Variants in TTBK2 observed in about 807,000 individuals in gnomAD.
The protein encoded by TTBK2 is tau-tubulin kinase 2.
A neutral mutation model predicts 110.8 loss-of-function variants in TTBK2; 28 were observed. The ratio of observed to expected loss-of-function variants is 0.25; its 90% CI spans 0.19 to 0.35. The LOEUF (loss-of-function observed/expected upper bound fraction) is 0.35. Ranked by LOEUF, TTBK2 falls within the 10% of genes least tolerant of loss-of-function variation. The pLI is 1.00. For missense variants in TTBK2, 1,369 were observed against 1,500.3 expected (o/e 0.91, Z 1.45); for synonymous variants, 532 against 527.3 (o/e 1.01, Z -0.12).
At chr15:42,747,242 A>G (rs2061804993) in intron 14 of TTBK2, among the ~76,000 whole-genome samples, 1 of 152,186 alleles carries the variant, frequency 6.6e-6, no homozygotes, top group South Asian at 2.1e-4. Context: ...TGCTGGGATT[A>G]CAAGCATGAA....
intron 11 of TTBK2, among the ~76,000 whole-genome samples, chr15:42,779,883 G>A (rs926349050): frequency 2.0e-5 from 3 of 152,046 alleles, no homozygotes; most frequent in Non-Finnish European, 4.4e-5. Flanking sequence ...TTGGGAGGAC[G>A]AGGCACGAGA....
chr15:42,779,709 G>T (rs1018761344), intron 11 of TTBK2, among the ~76,000 whole-genome samples: 4 of 152,122 alleles, frequency 2.6e-5, no homozygotes, highest in African/African-American at 7.2e-5. Flanking sequence ...GCTGGGCGCG[G>T]TGGCTCACAC....
At chr15:42,860,535 C>A (rs1199761513) in intron 3 of TTBK2, among the ~76,000 whole-genome samples, 1 of 151,782 alleles carries the variant, frequency 6.6e-6, no homozygotes, top group East Asian at 1.9e-4. Context: ...TCGCTTGAGC[C>A]CAGGAGCTCA....
chr15:42,888,793 T>C (rs1329907010), intron 1 of TTBK2, among the ~76,000 whole-genome samples: 2 of 152,186 alleles, frequency 1.3e-5, no homozygotes, highest in Admixed American at 6.5e-5. Flanking sequence ...GCAACGGCCA[T>C]CAAAAGGCAT....
intron 3 of TTBK2, among the ~76,000 whole-genome samples, chr15:42,842,121 T>G (rs1893244746): frequency 6.6e-6 from 1 of 152,042 alleles, no homozygotes; most frequent in Admixed American, 6.6e-5. Flanking sequence ...GGTCTCAAAC[T>G]CTGGGCTTAA....
chr15:42,905,911 G>T (rs778095474), intron 1 of TTBK2, among the ~76,000 whole-genome samples: 1 of 152,102 alleles, frequency 6.6e-6, no homozygotes, highest in Non-Finnish European at 1.5e-5. Flanking sequence ...AAAACTGGCC[G>T]GGCATGGTGG....
rs2061893554 is a variant in TTBK2 at position 42,753,131 on chromosome 15, G to A, written c.2115C>T (p.Tyr705=). 1 of 1,598,710 alleles carries A rather than the reference G, an allele frequency of 6.3e-7. No homozygotes were observed. The highest frequency in any genetic ancestry group is 8.5e-7 in the Non-Finnish European group (1 of 1,174,666). ...LQPMEPTVEL[Y]SPRENFSGLV... is the part of the protein sequence containing the mutation. ...AGCCAGAGAAGTTTTCCCTTGGAGAGTAAAGTTCCACAGTGGGCTCCATGG... is the reference window on the plus strand; with the variant it reads ...AGCCAGAGAAGTTTTCCCTTGGAGAATAAAGTTCCACAGTGGGCTCCATGG... Residue 705 remains tyrosine (Y), a synonymous_variant, in exon 14 of 15, where the codon TAC becomes TAT. Coordinates refer to ENST00000267890, the MANE Select transcript of TTBK2 (RefSeq NM_173500.4).
chr15:42,749,746 C>T (rs915373075), intron 14 of TTBK2, among the ~76,000 whole-genome samples: 1 of 152,054 alleles, frequency 6.6e-6, no homozygotes, highest in Non-Finnish European at 1.5e-5. Context: ...TCTTTTTTCC[C>T]TTCTTCGGAG....
At chr15:42,760,383 T>C (rs1467374035) in intron 13 of TTBK2, among the ~76,000 whole-genome samples, 4 of 15,270 alleles carry the variant, frequency 2.6e-4, no homozygotes, top group African/African-American at 5.4e-4. Flanking sequence ...AGACTCCATC[T>C]CAAAAAAAAA....
At chr15:42,818,589 A>G (rs939787187) in intron 6 of TTBK2, among the ~76,000 whole-genome samples, 4 of 151,924 alleles carry the variant, frequency 2.6e-5, no homozygotes, top group African/African-American at 4.8e-5. Context: ...GTGTGGTGGC[A>G]GGTGCCTGTA....
At chr15:42,771,808 G>A (rs1374304793) in intron 13 of TTBK2, among the ~76,000 whole-genome samples, 1 of 152,186 alleles carries the variant, frequency 6.6e-6, no homozygotes. Context: ...ATGCCCTGGT[G>A]TAGGGACAGA....
At chr15:42,762,439 CG>C (rs1370611574) in intron 13 of TTBK2, among the ~76,000 whole-genome samples, 16 of 152,204 alleles carry the variant, frequency 1.1e-4, no homozygotes, top group African/African-American at 3.9e-4. Context: ...GTATAGCGGC[CG>C]GGCACGGTGG....
chr15:42,852,554 T>C (rs926324332), intron 3 of TTBK2, among the ~76,000 whole-genome samples: 2 of 152,238 alleles, frequency 1.3e-5, no homozygotes, highest in Non-Finnish European at 2.9e-5. Context: ...GGAGCATATA[T>C]AAATATGTAC....
intron 4 of TTBK2, among the ~76,000 whole-genome samples, chr15:42,836,214 G>A (rs1892978836): frequency 6.6e-6 from 1 of 152,066 alleles, no homozygotes; most frequent in Non-Finnish European, 1.5e-5. Flanking sequence ...CATTTTAATG[G>A]CAAATAGAAT....
chr15:42,853,872 C>T (rs1466986461), intron 3 of TTBK2, among the ~76,000 whole-genome samples: 1 of 151,214 alleles, frequency 6.6e-6, no homozygotes, highest in East Asian at 1.9e-4. Flanking sequence ...CAGTTGAAGG[C>T]TCCGTCTCAA....
chr15:42,813,462 C>G (rs1474248509), intron 7 of TTBK2, among the ~76,000 whole-genome samples: 1 of 151,978 alleles, frequency 6.6e-6, no homozygotes, highest in African/African-American at 2.4e-5. Flanking sequence ...GTTGAGACTG[C>G]AGTGAGCCGA....
chr15:42,840,178 A>C lies in TTBK2; in HGVS notation c.291+182T>G, dbSNP rs1020893831. 7.9e-5 allele frequency among the ~76,000 whole-genome samples: 12 copies of C among 152,332 alleles called. No homozygotes were observed. The East Asian group carries it at 2.3e-3, about 29-fold the overall frequency. On this transcript the variant is annotated intron_variant, in intron 4 of 14. Transcript: ENST00000267890. Reference sequence around the variant, plus strand: ...TACAGGTCAACTCAAATAGCGGACAAAGACAATTATTTCATTTTTGGAAAA... The same window carrying C: ...TACAGGTCAACTCAAATAGCGGACACAGACAATTATTTCATTTTTGGAAAA...
In TTBK2 at chr15:42,772,459, A is replaced by G. The variant is rs139500221; in HGVS notation, c.1998+2676T>C. ...GAGCTTGACAACCACCTCATGAGAG[A>G]CCACACATGAGCTAGAACCACTGAA... is the stretch of plus-strand genomic sequence containing the variant. On this transcript the variant is annotated intron_variant, in intron 13 of 14. Transcript: ENST00000267890. 6.8e-3 allele frequency among the ~76,000 whole-genome samples: 1,032 copies of G among 152,288 alleles called. 20 individuals carry two copies. The highest frequency in any genetic ancestry group is 0.024 in the African/African-American group (989 of 41,548).
intron 1 of TTBK2, among the ~76,000 whole-genome samples, chr15:42,902,578 T>A (rs937463507): frequency 1.3e-5 from 2 of 151,986 alleles, no homozygotes; most frequent in Admixed American, 6.6e-5. Context: ...AATATGGCCA[T>A]TATAAAAAAT....
Sources: gnomAD v4.1 joint callset for allele counts (sites outside exome capture counted in the v4.1 genomes callset) on GRCh38, gnomAD v4.1.1 for gene constraint, MANE v1.5 for transcripts, NCBI Gene and HGNC (gene_info 2026-07-23, HGNC 2026-07-21) for gene names.